The following HDLBP variants were observed in gnomAD, a reference collection of about 807,000 sequenced individuals.
HDLBP encodes the protein vigilin.
A neutral mutation model predicts 137.3 loss-of-function variants in HDLBP; 30 were observed. The observed-to-expected ratio is 0.22, with a 90% CI of 0.16 to 0.30. The LOEUF (loss-of-function observed/expected upper bound fraction) is 0.30. HDLBP is among the 10% of genes least tolerant of loss of function. HDLBP has a pLI of 1.00. For synonymous variants in HDLBP, 606 were observed against 596.0 expected (o/e 1.02, Z -0.24); for missense variants, 1,119 against 1,667.3 (o/e 0.67, Z 5.73).
chr2:241,248,758 T>G (rs1042883054), intron 12 of HDLBP, among the ~76,000 whole-genome samples: 3 of 151,990 alleles, frequency 2.0e-5, no homozygotes, highest in Non-Finnish European at 4.4e-5. Context: ...CAGTGAGTGA[T>G]CCCTTCTGAA....
In HDLBP at chr2:241,287,252, A is replaced by T. The variant is rs192868861; in HGVS notation, c.-102-18711T>A. Among the ~76,000 whole-genome samples, 6 of 151,924 alleles carry T rather than the reference A, an allele frequency of 3.9e-5. No homozygotes were observed. The South Asian group carries it at 6.2e-4, about 16-fold the overall frequency. Reference sequence around the variant, plus strand: ...CAGCCTCCCGAGTAGCTGGGACTACAGGCGTGCGCCACCACACCTGGCTGA... The same window carrying T: ...CAGCCTCCCGAGTAGCTGGGACTACTGGCGTGCGCCACCACACCTGGCTGA... On this transcript the variant is annotated intron_variant, in intron 1 of 27. Transcript: ENST00000310931.
intron 3 of HDLBP, 130 bp from the exon 4 acceptor site, chr2:241,264,735 C>A: frequency 1.2e-6 from 1 of 840,154 alleles, no homozygotes; most frequent in Non-Finnish European, 1.8e-6. Flanking sequence ...ACTCCCCCCA[C>A]CCCTCTCTTC....
chr2:241,271,563 G>A (rs1279530290), intron 1 of HDLBP, among the ~76,000 whole-genome samples: 1 of 152,202 alleles, frequency 6.6e-6, no homozygotes, highest in Non-Finnish European at 1.5e-5. Flanking sequence ...AAACGAGGAA[G>A]TAATTAAGTT....
intron 5 of HDLBP, among the ~76,000 whole-genome samples, chr2:241,258,146 C>T (rs958900130): frequency 4.6e-5 from 7 of 151,950 alleles, no homozygotes; most frequent in Non-Finnish European, 8.8e-5. Flanking sequence ...CGCCTGTAAT[C>T]CCAGCACTTT....
intron 24 of HDLBP, chr2:241,231,234 A>C: frequency 3.4e-6 from 1 of 294,828 alleles, no homozygotes; most frequent in Non-Finnish European, 6.5e-6. Context: ...AAAATACAAT[A>C]TTAGCCGGGC....
intron 20 of HDLBP, 54 bp from the exon 21 acceptor site, chr2:241,236,823 C>T: frequency 1.9e-6 from 3 of 1,583,842 alleles, no homozygotes; most frequent in Non-Finnish European, 1.7e-6. Context: ...AGACCCCACA[C>T]CTTGTTCAGA....
intron 1 of HDLBP, chr2:241,273,671 AG>A: frequency 2.0e-6 from 2 of 985,294 alleles, no homozygotes; most frequent in Non-Finnish European, 2.4e-6. Context: ...CATAGGGCAC[AG>A]GATCAACTAC....
chr2:241,314,259 T>C (rs2075897906), intron 1 of HDLBP, among the ~76,000 whole-genome samples: 1 of 152,152 alleles, frequency 6.6e-6, no homozygotes, highest in African/African-American at 2.4e-5. Context: ...AAAATCAAAA[T>C]ATAAACCTAA....
chr2:241,302,065 A>AC (rs34449895), intron 1 of HDLBP, among the ~76,000 whole-genome samples: 18 of 134,324 alleles, frequency 1.3e-4, no homozygotes, highest in Admixed American at 4.8e-4. Context: ...ACAGAGTGAG[A>AC]CCCCCCACAA....
At chr2:241,279,955 C>G (rs1048584664) in intron 1 of HDLBP, 2 of 985,370 alleles carry the variant, frequency 2.0e-6, no homozygotes, top group South Asian at 9.4e-5. Flanking sequence ...GACAGGAACC[C>G]GCTGCAGTGG....
chr2:241,284,540 T>C (rs2074734110), intron 1 of HDLBP, among the ~76,000 whole-genome samples: 1 of 152,234 alleles, frequency 6.6e-6, no homozygotes, highest in Admixed American at 6.5e-5. Flanking sequence ...TGAACATTGT[T>C]GAAATGACAA....
rs769585520 is a variant in HDLBP at position 241,239,850 on chromosome 2, G to A, written c.2392-30C>T. The A allele has an allele frequency of 3.4e-5, 54 of 1,611,676 alleles. 2 individuals are homozygous for A. In the East Asian group the frequency reaches 8.5e-4, roughly 25 times the overall value. On this transcript the variant is annotated intron_variant, in intron 18 of 27. Transcript: ENST00000310931. This position sits in a 1 kb window ranked among gnomAD's most constrained non-coding sequence, Gnocchi z 4.6. ...AGTGTTAAGAAGAGATGGAAGATAAGCCACCCCATCACGGCCCCAGCAGAG... is the reference window on the plus strand; with the variant it reads ...AGTGTTAAGAAGAGATGGAAGATAAACCACCCCATCACGGCCCCAGCAGAG...
intron 5 of HDLBP, 59 bp from the exon 6 acceptor site, chr2:241,256,865 T>G: frequency 6.9e-7 from 1 of 1,453,222 alleles, no homozygotes; most frequent in Non-Finnish European, 9.6e-7. Context: ...AAGGAGCATA[T>G]TTTTCCAAGA....
chr2:241,307,104 C>A (rs529352346), intron 1 of HDLBP, among the ~76,000 whole-genome samples: 56 of 151,920 alleles, frequency 3.7e-4, no homozygotes, highest in Admixed American at 1.6e-3. Context: ...GCAGTGTCAT[C>A]CTAACCTGGA....
intron 10 of HDLBP, 35 bp downstream of exon 10, chr2:241,253,358 C>G: frequency 7.1e-7 from 1 of 1,414,812 alleles, no homozygotes; most frequent in Non-Finnish European, 1.0e-6. Context: ...CCTCCCTTGT[C>G]ACCAGCACAC....
chr2:241,233,736 A>T lies in HDLBP; in HGVS notation c.3288+84T>A. ...CAACTTGGCCCTCGAACCCCCATCT[A>T]GGCACATCTGGTTACTGCTCCCAAG... On this transcript the variant is annotated intron_variant, in intron 24 of 27. Transcript: ENST00000310931. The surrounding 1 kb of genome is among the most constrained non-coding windows in gnomAD (Gnocchi z 4.3). 6.6e-7 allele frequency: 1 copy of T among 1,506,054 alleles called. No homozygotes were observed. Among genetic ancestry groups the T allele is most frequent in the Non-Finnish European group, 9.2e-7 (1 of 1,091,188 alleles). 93.3% of individuals were successfully genotyped at this position (1,506,054 alleles called of 1,614,324 possible).
In HDLBP at chr2:241,230,914, C is replaced by T. The variant is rs140776659; in HGVS notation, c.3319G>A (p.Glu1107Lys). 7.2e-5 allele frequency: 116 copies of T among 1,614,006 alleles called. 2 individuals are homozygous for T. In the South Asian group the frequency reaches 1.0e-3, roughly 14 times the overall value. The change falls in exon 25 of 28, where the codon GAA becomes AAA. Residue 1107 changes from glutamate (E) to lysine (K), a missense_variant. Transcript: ENST00000310931. The surrounding 1 kb of genome is among the most constrained non-coding windows in gnomAD (Gnocchi z 5.0). ...TCCCTGGCAGCTTCTGTGTTCTTTT[C>T]GTACCCTGTGATGGTAATTTGGTCC... ...PQDQITITGYEKNTEAARDAI... is the reference protein window; with the variant it reads ...PQDQITITGYKKNTEAARDAI...
rs376915182 is a variant in HDLBP, at chr2:241,267,494, A to G, written c.-37-588T>C. ...GACCATGGAACCTGCCACCTGCCTG[A>G]CCCAGGCTCCAGGCATAGATCAACA... On this transcript the variant is annotated intron_variant, in intron 2 of 27. Coordinates refer to ENST00000310931, the MANE Select transcript of HDLBP (RefSeq NM_005336.6). 72 of 1,323,078 alleles carry G rather than the reference A, an allele frequency of 5.4e-5. 1 individual carries two copies. Among genetic ancestry groups the G allele is most frequent in the South Asian group, 2.4e-4 (19 of 79,576 alleles). 82.0% of individuals were successfully genotyped at this position (1,323,078 alleles called of 1,614,324 possible). A position where few individuals can be genotyped will look rare whatever the true frequency, so the allele number is the denominator to read the frequency against.
rs2074221694 is a variant in HDLBP, at chr2:241,272,900, C to CCCGCCCGCCCCG, written c.-102-4371_-102-4360dup. 1.8e-6 allele frequency: 1 copy of CCCGCCCGCCCCG among 551,196 alleles called. No homozygotes were observed. 34.1% of individuals were successfully genotyped at this position (551,196 alleles called of 1,614,324 possible). A position where few individuals can be genotyped will look rare whatever the true frequency, so the allele number is the denominator to read the frequency against. ...CCAATCCCGCCTGGACACGTCAGCG[C>CCCGCCCGCCCCG]CCGCCCGCCCCGCCGCTGGGGTCCC... is the stretch of plus-strand genomic sequence containing the variant. On this transcript the variant is annotated intron_variant, in intron 1 of 27. Coordinates refer to ENST00000310931, the MANE Select transcript of HDLBP (RefSeq NM_005336.6). This position sits in a 1 kb window ranked among gnomAD's most constrained non-coding sequence, Gnocchi z 5.6.
Sources: gnomAD v4.1 joint callset for allele counts (sites outside exome capture counted in the v4.1 genomes callset) on GRCh38, gnomAD v4.1.1 for gene constraint, Gnocchi (gnomAD v3.1) non-coding constraint, MANE v1.5 for transcripts, NCBI Gene and HGNC (gene_info 2026-07-23, HGNC 2026-07-21) for gene names.